The following SLC2A13 variants were observed in gnomAD, a reference collection of about 807,000 sequenced individuals.
SLC2A13 encodes proton myo-inositol cotransporter.
Under a neutral mutation model 64.4 loss-of-function variants are expected in SLC2A13, and 32 were observed. The ratio of observed to expected loss-of-function variants is 0.50; its 90% confidence interval spans 0.37 to 0.67. The LOEUF is 0.67. SLC2A13 is among the 30% of genes least tolerant of loss of function. The pLI is 0.00. For missense variants in SLC2A13, 743 were observed against 829.2 expected (o/e 0.90, Z 1.28); for synonymous variants, 338 against 327.1 (o/e 1.03, Z -0.36).
chr12:40,098,065 GTGTATATATA>G, intron 1 of SLC2A13, among the ~76,000 whole-genome samples: 1 of 150,944 alleles, frequency 6.6e-6, no homozygotes, highest in East Asian at 1.9e-4. Context: ...ATGTATATAT[GTGTATATATA>G]TGTATATATG....
At chr12:39,868,173 G>T (rs915748942) in intron 5 of SLC2A13, among the ~76,000 whole-genome samples, 10 of 152,122 alleles carry the variant, frequency 6.6e-5, no homozygotes, top group African/African-American at 1.7e-4. Flanking sequence ...TTGGATGAAA[G>T]AATTTTATCT....
intron 4 of SLC2A13, among the ~76,000 whole-genome samples, chr12:39,896,524 GTATA>G (rs1944909011): frequency 7.0e-6 from 1 of 143,700 alleles, no homozygotes; most frequent in African/African-American, 2.7e-5. Flanking sequence ...GTGTATACAT[GTATA>G]CATGTATGTA....
intron 7 of SLC2A13, among the ~76,000 whole-genome samples, chr12:39,794,123 CAAAAAAAAAA>C (rs36179669): frequency 3.8e-5 from 3 of 78,372 alleles, no homozygotes; most frequent in South Asian, 1.1e-3. Flanking sequence ...GGCCAAATTG[CAAAAAAAAAA>C]AAAAAAAAAA....
At position 39,903,054 on chromosome 12, in the gene SLC2A13, A is replaced by G. The variant is rs1945176656; in HGVS notation, c.1035-31093T>C. 2.0e-5 allele frequency among the ~76,000 whole-genome samples: 3 copies of G among 152,160 alleles called. No individual in the cohort carries two copies. In the South Asian group the frequency reaches 6.2e-4, roughly 31 times the overall value. Reference sequence around the variant, plus strand: ...GAGATGAGTAATATGAGTATGACTCAGAATTAAAAGGCCATAGGAACATCG... The same window carrying G: ...GAGATGAGTAATATGAGTATGACTCGGAATTAAAAGGCCATAGGAACATCG... On this transcript the variant is annotated intron_variant, in intron 4 of 9. Transcript: ENST00000280871.
chr12:39,967,823 A>G (rs1300926388), intron 3 of SLC2A13, among the ~76,000 whole-genome samples: 1 of 152,246 alleles, frequency 6.6e-6, no homozygotes, highest in African/African-American at 2.4e-5. Context: ...GTGTAAAGGT[A>G]GCAAGGCAAG....
At chr12:39,816,418 C>T (rs1285092545) in intron 7 of SLC2A13, among the ~76,000 whole-genome samples, 5 of 105,042 alleles carry the variant, frequency 4.8e-5, no homozygotes, top group Admixed American at 4.1e-4. Flanking sequence ...CATCACACCC[C>T]GGGGCCTGTT....
At chr12:39,876,490 GAATTT>G (rs1219029447) in intron 4 of SLC2A13, among the ~76,000 whole-genome samples, 5 of 151,932 alleles carry the variant, frequency 3.3e-5, no homozygotes, top group African/African-American at 1.2e-4. Context: ...CTGGTTTATT[GAATTT>G]ATCTACCGTA....
intron 7 of SLC2A13, among the ~76,000 whole-genome samples, chr12:39,774,732 T>C (rs1322515675): frequency 6.6e-6 from 1 of 152,112 alleles, no homozygotes; most frequent in African/African-American, 2.4e-5. Context: ...TGGGTAAATT[T>C]CAAAAGCCTT....
intron 4 of SLC2A13, among the ~76,000 whole-genome samples, chr12:39,904,639 G>A (rs540018893): frequency 9.3e-4 from 141 of 152,160 alleles, no homozygotes; most frequent in South Asian, 3.1e-3. Context: ...GTCCTATCAC[G>A]TGCCTTCTTC....
At chr12:40,011,800 T>G (rs1417858317) in intron 3 of SLC2A13, among the ~76,000 whole-genome samples, 2 of 152,178 alleles carry the variant, frequency 1.3e-5, no homozygotes, top group Non-Finnish European at 2.9e-5. Flanking sequence ...TTGCCTAATT[T>G]GTAGGGCTGA....
intron 4 of SLC2A13, among the ~76,000 whole-genome samples, chr12:39,930,353 A>G (rs1458545739): frequency 6.6e-6 from 1 of 152,136 alleles, no homozygotes; most frequent in Non-Finnish European, 1.5e-5. Context: ...AGAGCTGCTC[A>G]GTGGGGAACA....
intron 4 of SLC2A13, among the ~76,000 whole-genome samples, chr12:39,948,667 A>T (rs1232874250): frequency 6.6e-6 from 1 of 152,174 alleles, no homozygotes; most frequent in South Asian, 2.1e-4. Flanking sequence ...TAAACGACAG[A>T]ATTTTCAAAA....
intron 2 of SLC2A13, among the ~76,000 whole-genome samples, chr12:40,033,313 T>G (rs1252256329): frequency 6.6e-6 from 1 of 152,256 alleles, no homozygotes; most frequent in African/African-American, 2.4e-5. Flanking sequence ...CTTAGCTTCA[T>G]GTTTAAAGAA....
At chr12:40,076,642 G>GA (rs1316293575) in intron 1 of SLC2A13, among the ~76,000 whole-genome samples, 5 of 152,104 alleles carry the variant, frequency 3.3e-5, no homozygotes, top group African/African-American at 1.2e-4. Context: ...ATGATAGAAC[G>GA]AATTATATTT....
At chr12:39,988,591 A>G (rs1947070627) in intron 3 of SLC2A13, among the ~76,000 whole-genome samples, 1 of 147,326 alleles carries the variant, frequency 6.8e-6, no homozygotes, top group East Asian at 2.1e-4. Flanking sequence ...TGAAAAAAAG[A>G]GGAAGAAGAA....
intron 4 of SLC2A13, among the ~76,000 whole-genome samples, chr12:39,902,952 C>A (rs988550852): frequency 6.6e-6 from 1 of 152,028 alleles, no homozygotes; most frequent in African/African-American, 2.4e-5. Flanking sequence ...CTGTTGACTA[C>A]GTTCCAGGAA....
At chr12:39,849,796 T>C (rs1171914488) in intron 6 of SLC2A13, among the ~76,000 whole-genome samples, 2 of 152,192 alleles carry the variant, frequency 1.3e-5, no homozygotes, top group Admixed American at 1.3e-4. Flanking sequence ...GGCTTTAATA[T>C]TTCAAGGTCA....
chr12:39,978,234 C>T (rs907510057), intron 3 of SLC2A13, among the ~76,000 whole-genome samples: 5 of 152,206 alleles, frequency 3.3e-5, no homozygotes, highest in Admixed American at 3.3e-4. Context: ...CCATCTCCCC[C>T]AAATGGAAGA....
intron 4 of SLC2A13, among the ~76,000 whole-genome samples, chr12:39,899,210 G>A (rs1281075076): frequency 6.6e-6 from 1 of 152,166 alleles, no homozygotes; most frequent in African/African-American, 2.4e-5. Flanking sequence ...TTAGTCTTGG[G>A]AGGGTGTATG....
Sources: allele counts gnomAD v4.1 joint callset (sites outside exome capture counted in the v4.1 genomes callset), GRCh38; gene constraint gnomAD v4.1.1; transcripts MANE v1.5; gene names NCBI Gene and HGNC (gene_info 2026-07-23, HGNC 2026-07-21).